FHIT: variants seen among roughly 807,000 people sequenced by gnomAD.
FHIT encodes bis(5'-adenosyl)-triphosphatase.
FHIT carries 19 observed loss-of-function variants against 17.9 expected under a neutral mutation model. The ratio of observed to expected loss-of-function variants is 1.06; its 90% CI spans 0.74 to 1.56. The LOEUF (loss-of-function observed/expected upper bound fraction) is 1.56, where lower values mean the gene tolerates loss of function less well. FHIT is among the 40% of genes most tolerant of loss of function. FHIT has a pLI of 0.00. For synonymous variants in FHIT, 81 were observed against 69.7 expected, an observed-to-expected ratio of 1.16 and a Z score of -0.81; for missense variants, 248 against 189.2, an observed-to-expected ratio of 1.31 and a Z score of -1.82.
chr3:61,199,827 C>A (rs1352933203), intron 2 of FHIT, among the ~76,000 whole-genome samples: 1 of 151,950 alleles, frequency 6.6e-6, no homozygotes, highest in African/African-American at 2.4e-5. Flanking sequence ...CATATTTCAC[C>A]CTGGCCACCA....
intron 4 of FHIT, among the ~76,000 whole-genome samples, chr3:60,814,041 A>G (rs1168582780): frequency 2.0e-5 from 3 of 152,016 alleles, no homozygotes; most frequent in Non-Finnish European, 4.4e-5. Flanking sequence ...CATTCTAATC[A>G]TCTCAGCATT....
intron 2 of FHIT, among the ~76,000 whole-genome samples, chr3:61,083,139 C>T (rs1293189324): frequency 6.6e-6 from 1 of 152,110 alleles, no homozygotes; most frequent in Non-Finnish European, 1.5e-5. Flanking sequence ...TTTATCTTTT[C>T]ATTTTTTGCT....
intron 5 of FHIT, among the ~76,000 whole-genome samples, chr3:60,239,416 T>G (rs890096868): frequency 1.3e-5 from 2 of 151,990 alleles, no homozygotes; most frequent in African/African-American, 4.8e-5. Flanking sequence ...AATAAAAAAC[T>G]TGGCTGGGCA....
chr3:60,443,555 C>T lies in FHIT; in HGVS notation c.103+93305G>A, dbSNP rs140328907. ...TTATGTGGTTTTTGTCTTTGGTTCT[C>T]TTCATATGATGGATTACATTTATTG... On this transcript the variant is annotated intron_variant, in intron 5 of 9. Transcript: ENST00000492590. Among the ~76,000 whole-genome samples the T allele has an allele frequency of 1.4e-3, 219 of 152,198 alleles. 3 individuals carry two copies. Among genetic ancestry groups the T allele is most frequent in the Middle Eastern group, 0.01 (3 of 294 alleles).
chr3:60,635,553 G>A (rs868952755), intron 4 of FHIT, among the ~76,000 whole-genome samples: 3 of 152,142 alleles, frequency 2.0e-5, no homozygotes, highest in Admixed American at 1.3e-4. Flanking sequence ...CTATTTGTGT[G>A]TATGTTTATT....
intron 4 of FHIT, among the ~76,000 whole-genome samples, chr3:60,759,176 A>T (rs1699548926): frequency 6.6e-6 from 1 of 152,130 alleles, no homozygotes; most frequent in Admixed American, 6.5e-5. Flanking sequence ...ATTTTGAGAC[A>T]ATAAGTTTTT....
chr3:60,476,618 C>G lies in FHIT; in HGVS notation c.103+60242G>C, dbSNP rs2033356585. Among the ~76,000 whole-genome samples the G allele has an allele frequency of 2.0e-5, 3 of 152,064 alleles. No individual in the cohort carries two copies. In the South Asian group the frequency reaches 6.2e-4, roughly 32 times the overall value. Reference sequence around the variant, plus strand: ...TCAGCTGGTTCTCAGGAGGGGTATTCAAGGAGAGGCTGCTCTGCATCCCAA... The same window carrying G: ...TCAGCTGGTTCTCAGGAGGGGTATTGAAGGAGAGGCTGCTCTGCATCCCAA... On this transcript the variant is annotated intron_variant, in intron 5 of 9. Transcript: ENST00000492590.
At chr3:61,061,771 GGTACAC>G (rs1462537647) in intron 2 of FHIT, among the ~76,000 whole-genome samples, 1 of 151,978 alleles carries the variant, frequency 6.6e-6, no homozygotes, top group East Asian at 1.9e-4. Flanking sequence ...ATAATTACAA[GGTACAC>G]GTTATTGCAA....
At chr3:60,141,176 A>G (rs1700025255) in intron 5 of FHIT, among the ~76,000 whole-genome samples, 1 of 152,168 alleles carries the variant, frequency 6.6e-6, no homozygotes, top group African/African-American at 2.4e-5. Context: ...TCACCTGGAC[A>G]TTCTTAAGAG....
intron 8 of FHIT, among the ~76,000 whole-genome samples, chr3:59,767,269 C>T (rs1701846019): frequency 6.6e-6 from 1 of 152,148 alleles, no homozygotes; most frequent in South Asian, 2.1e-4. Flanking sequence ...GAGGCTGAGG[C>T]AGGTGGATCA....
At chr3:59,817,444 G>T (rs779092318) in intron 8 of FHIT, among the ~76,000 whole-genome samples, 8 of 151,646 alleles carry the variant, frequency 5.3e-5, no homozygotes, top group African/African-American at 9.7e-5. Context: ...CCTGTGCTGT[G>T]GCTATGACAT....
intron 8 of FHIT, among the ~76,000 whole-genome samples, chr3:59,873,721 G>A (rs959669443): frequency 4.6e-5 from 7 of 152,038 alleles, no homozygotes; most frequent in African/African-American, 1.4e-4. Context: ...ATGTGCCCCG[G>A]GGGAGAAGAG....
chr3:61,227,744 G>A (rs1386551913), intron 1 of FHIT, among the ~76,000 whole-genome samples: 1 of 151,914 alleles, frequency 6.6e-6, no homozygotes, highest in Non-Finnish European at 1.5e-5. Flanking sequence ...TTTTTCCATG[G>A]GATCAACAAA....
At chr3:60,603,028 C>T (rs192948892) in intron 4 of FHIT, among the ~76,000 whole-genome samples, 65 of 152,188 alleles carry the variant, frequency 4.3e-4, no homozygotes, top group African/African-American at 1.2e-3. Context: ...GCTACAGCAG[C>T]CCAAACAGAC....
chr3:61,152,040 G>A (rs1281726736), intron 2 of FHIT, among the ~76,000 whole-genome samples: 1 of 152,032 alleles, frequency 6.6e-6, no homozygotes, highest in Non-Finnish European at 1.5e-5. Flanking sequence ...TTATATTGTA[G>A]TTAACCATCA....
intron 4 of FHIT, among the ~76,000 whole-genome samples, chr3:60,707,759 C>A (rs1249950717): frequency 1.3e-5 from 2 of 152,114 alleles, no homozygotes; most frequent in African/African-American, 4.8e-5. Context: ...TCACAGTTGG[C>A]AAGAATGCAG....
At chr3:61,041,631 T>A (rs2033522066) in intron 3 of FHIT, among the ~76,000 whole-genome samples, 1 of 151,166 alleles carries the variant, frequency 6.6e-6, no homozygotes, top group Non-Finnish European at 1.5e-5. Context: ...AAGATAGAAA[T>A]GCCCATCTAT....
intron 5 of FHIT, among the ~76,000 whole-genome samples, chr3:60,220,889 T>C (rs1703930282): frequency 1.3e-5 from 2 of 152,168 alleles, no homozygotes; most frequent in Non-Finnish European, 2.9e-5. Flanking sequence ...ATCCAAGCCT[T>C]TCTGCATACA....
At chr3:60,193,211 C>T (rs1702481771) in intron 5 of FHIT, among the ~76,000 whole-genome samples, 1 of 152,162 alleles carries the variant, frequency 6.6e-6, no homozygotes, top group Non-Finnish European at 1.5e-5. Context: ...AGCCTAAATG[C>T]GGATGTGAGT....
Sources: gnomAD v4.1 joint callset for allele counts (sites outside exome capture counted in the v4.1 genomes callset) on GRCh38, gnomAD v4.1.1 for gene constraint, MANE v1.5 for transcripts, NCBI Gene and HGNC (gene_info 2026-07-23, HGNC 2026-07-21) for gene names.